The following KCNQ3 variants were observed in gnomAD, a reference collection of about 807,000 sequenced individuals.
KCNQ3 encodes the protein potassium voltage-gated channel subfamily KQT member 3.
A neutral mutation model predicts 92.5 loss-of-function variants in KCNQ3; 30 were observed. That is an observed-to-expected ratio of 0.32 (90% CI 0.24 to 0.44). The LOEUF is 0.44. KCNQ3 is among the 20% of genes least tolerant of loss of function. The pLI, the probability that KCNQ3 is intolerant of heterozygous loss-of-function variation, is 1.00. For missense variants in KCNQ3, 913 were observed against 1,140.3 expected, an observed-to-expected ratio of 0.80 and a Z score of 2.87; for synonymous variants, 450 against 468.8, an observed-to-expected ratio of 0.96 and a Z score of 0.52.
At chr8:132,222,408 G>A (rs1814268333) in intron 1 of KCNQ3, among the ~76,000 whole-genome samples, 2 of 152,222 alleles carry the variant, frequency 1.3e-5, no homozygotes, top group South Asian at 2.1e-4. Context: ...TGCGTATATA[G>A]TAAGAAGCTT....
At chr8:132,460,825 T>C (rs969828314) in intron 1 of KCNQ3, among the ~76,000 whole-genome samples, 2 of 152,220 alleles carry the variant, frequency 1.3e-5, no homozygotes, top group African/African-American at 4.8e-5. Flanking sequence ...TATCCACCAT[T>C]ACGGAATCAC....
At chr8:132,402,153 C>A (rs928835992) in intron 1 of KCNQ3, among the ~76,000 whole-genome samples, 1 of 152,146 alleles carries the variant, frequency 6.6e-6, no homozygotes, top group Non-Finnish European at 1.5e-5. Flanking sequence ...GCCCAGAGAG[C>A]GTGTCCGTGT....
In KCNQ3 at chr8:132,175,585, G is replaced by A. The variant is rs768436228; in HGVS notation, c.801C>T (p.Ile267=). The change falls in exon 5 of 15, where the codon ATC becomes ATT. Residue 267 remains isoleucine (I), a synonymous_variant. Transcript: ENST00000388996. Reference sequence around the variant, plus strand: ...AAGAAAGGATGAGTGTCAGGAAACCGATGTACCAGGCCGTGATGAGTTCCT... The same window carrying A: ...AAGAAAGGATGAGTGTCAGGAAACCAATGTACCAGGCCGTGATGAGTTCCT... The part of the protein sequence containing the change: ...HSKELITAWY[I]GFLTLILSSF... 18 of 1,614,112 alleles carry A rather than the reference G, an allele frequency of 1.1e-5. No individual in the cohort carries two copies. The highest frequency in any genetic ancestry group is 6.6e-5 in the South Asian group (6 of 91,082).
At chr8:132,395,576 A>G (rs898781465) in intron 1 of KCNQ3, among the ~76,000 whole-genome samples, 14 of 152,220 alleles carry the variant, frequency 9.2e-5, no homozygotes, top group African/African-American at 2.4e-4. Context: ...TCAAAACACA[A>G]ACAAACCCTA....
chr8:132,404,838 A>G (rs1820435130), intron 1 of KCNQ3, among the ~76,000 whole-genome samples: 1 of 152,192 alleles, frequency 6.6e-6, no homozygotes, highest in African/African-American at 2.4e-5. Context: ...ACATGTGATA[A>G]GCATTTATCT....
intron 1 of KCNQ3, among the ~76,000 whole-genome samples, chr8:132,327,606 C>T (rs974084080): frequency 3.9e-5 from 6 of 152,140 alleles, no homozygotes; most frequent in African/African-American, 1.4e-4. Context: ...CTACCTGGAG[C>T]CCATGTGCCC....
intron 1 of KCNQ3, among the ~76,000 whole-genome samples, chr8:132,203,397 G>T (rs185193208): frequency 1.4e-4 from 22 of 152,284 alleles, no homozygotes; most frequent in Admixed American, 1.4e-3. Context: ...ACACATCAGG[G>T]TCTCAAACCA....
chr8:132,326,562 A>T (rs887863058), intron 1 of KCNQ3, among the ~76,000 whole-genome samples: 5 of 152,206 alleles, frequency 3.3e-5, no homozygotes, highest in Non-Finnish European at 7.3e-5. Context: ...CACAAAAGGT[A>T]CCACCGTCAT....
chr8:132,390,412 T>C (rs1474823009), intron 1 of KCNQ3, among the ~76,000 whole-genome samples: 1 of 152,166 alleles, frequency 6.6e-6, no homozygotes, highest in African/African-American at 2.4e-5. Context: ...TTTACAGTAA[T>C]TCAGCTGTAC....
At chr8:132,383,349 C>T (rs1489960806) in intron 1 of KCNQ3, among the ~76,000 whole-genome samples, 1 of 152,158 alleles carries the variant, frequency 6.6e-6, no homozygotes, top group African/African-American at 2.4e-5. Context: ...ATTGTAGGAT[C>T]GCCATGGTGA....
At chr8:132,389,650 A>G (rs887331009) in intron 1 of KCNQ3, among the ~76,000 whole-genome samples, 9 of 152,214 alleles carry the variant, frequency 5.9e-5, no homozygotes, top group Non-Finnish European at 1.3e-4. Flanking sequence ...GGATATCCAC[A>G]TGGCTTTTAA....
intron 1 of KCNQ3, among the ~76,000 whole-genome samples, chr8:132,343,759 C>T (rs1422881076): frequency 6.6e-6 from 1 of 152,078 alleles, no homozygotes; most frequent in African/African-American, 2.4e-5. Flanking sequence ...TGGAGACCTC[C>T]ACCTGGTGTC....
intron 1 of KCNQ3, among the ~76,000 whole-genome samples, chr8:132,323,775 CTG>C (rs1258547278): frequency 1.3e-5 from 2 of 152,160 alleles, no homozygotes; most frequent in African/African-American, 4.8e-5. Flanking sequence ...ATCAAGACAA[CTG>C]TGGGTCTCGG....
intron 1 of KCNQ3, among the ~76,000 whole-genome samples, chr8:132,428,968 C>T (rs1265456943): frequency 6.6e-6 from 1 of 152,186 alleles, no homozygotes; most frequent in African/African-American, 2.4e-5. Flanking sequence ...GCAGGAACGA[C>T]ACAATGACTT....
chr8:132,274,505 G>A (rs1217983332), intron 1 of KCNQ3, among the ~76,000 whole-genome samples: 2 of 152,180 alleles, frequency 1.3e-5, no homozygotes. Flanking sequence ...ATGAGAATAT[G>A]TACTCTCTAA....
At chr8:132,154,193 G>GTTTTTTTTTTTTTTTTT (rs869112851) in intron 9 of KCNQ3, among the ~76,000 whole-genome samples, 504 of 27,296 alleles carry the variant, frequency 0.018, 83 homozygotes, top group Non-Finnish European at 0.021. Context: ...AAGGGTAAAA[G>GTTTTTTTTTTTTTTTTT]TTTTTTTTTT....
At chr8:132,180,938 G>A (rs1021464259) in intron 3 of KCNQ3, among the ~76,000 whole-genome samples, 1 of 151,996 alleles carries the variant, frequency 6.6e-6, no homozygotes, top group African/African-American at 2.4e-5. Context: ...AAAATGGGAA[G>A]CTGGGACATC....
chr8:132,370,379 G>A (rs1348031831), intron 1 of KCNQ3, among the ~76,000 whole-genome samples: 2 of 152,232 alleles, frequency 1.3e-5, no homozygotes, highest in Non-Finnish European at 2.9e-5. Context: ...GCAGGAACAG[G>A]TATGATTAAG....
intron 1 of KCNQ3, among the ~76,000 whole-genome samples, chr8:132,440,756 T>A (rs2130836995): frequency 6.6e-6 from 1 of 152,298 alleles, no homozygotes; most frequent in Non-Finnish European, 1.5e-5. Flanking sequence ...GTCAGCTTCT[T>A]CCTGCAACAC....
Sources: gnomAD v4.1 joint callset for allele counts (sites outside exome capture counted in the v4.1 genomes callset) on GRCh38, gnomAD v4.1.1 for gene constraint, MANE v1.5 for transcripts, NCBI Gene and HGNC (gene_info 2026-07-23, HGNC 2026-07-21) for gene names.